EGFR: variants seen among roughly 807,000 people sequenced by gnomAD.
EGFR encodes the protein avian erythroblastic leukemia viral (v-erb-b) oncogene homolog.
EGFR carries 58 observed loss-of-function variants against 143.0 expected under a neutral mutation model. That is an observed-to-expected ratio of 0.41 (90% CI 0.33 to 0.50). The LOEUF (loss-of-function observed/expected upper bound fraction) is 0.50, where lower values mean the gene tolerates loss of function less well. Among genes scored for constraint, EGFR ranks in the 20% least tolerant of loss-of-function variants. The pLI, the probability that EGFR is intolerant of heterozygous loss-of-function variation, is 0.39. For synonymous variants in EGFR, 613 were observed against 594.4 expected (o/e 1.03, Z -0.45); for missense variants, 1,307 against 1,579.0 (o/e 0.83, Z 2.92).
intron 1 of EGFR, among the ~76,000 whole-genome samples, chr7:55,041,720 C>T (rs1421673740): frequency 6.6e-6 from 1 of 152,200 alleles, no homozygotes; most frequent in East Asian, 1.9e-4. Context: ...AATTGTAATA[C>T]CTAGAAAAAC....
chr7:55,024,522 A>G (rs1461925770), intron 1 of EGFR, among the ~76,000 whole-genome samples: 1 of 152,252 alleles, frequency 6.6e-6, no homozygotes, highest in Non-Finnish European at 1.5e-5. Context: ...AAGGCACCCA[A>G]TGAGAATGCC....
chr7:55,130,138 C>A (rs1046720843), intron 1 of EGFR, among the ~76,000 whole-genome samples: 1 of 152,126 alleles, frequency 6.6e-6, no homozygotes, highest in Admixed American at 6.5e-5. Flanking sequence ...ACATGGCAAG[C>A]GCTGCTTCAG....
At chr7:55,190,785 A>G (rs1787359852) in intron 20 of EGFR, among the ~76,000 whole-genome samples, 1 of 152,234 alleles carries the variant, frequency 6.6e-6, no homozygotes, top group African/African-American at 2.4e-5. Context: ...AGAAACAATA[A>G]TAAGAAGTCT....
At position 55,081,829 on chromosome 7, in the gene EGFR, C is replaced by T. The variant is rs187300215; in HGVS notation, c.89-60457C>T. 1.8e-4 allele frequency among the ~76,000 whole-genome samples: 22 copies of T among 120,602 alleles called. No homozygotes were observed. The East Asian group carries it at 5.0e-3, about 27-fold the overall frequency. 79.1% of individuals were successfully genotyped at this position (120,602 alleles called of 152,430 possible). A position where few individuals can be genotyped will look rare whatever the true frequency, so the allele number is the denominator to read the frequency against. On this transcript the variant is annotated intron_variant, in intron 1 of 27. Coordinates refer to ENST00000275493, the MANE Select transcript of EGFR (RefSeq NM_005228.5). ...GAGCTAATCATAGGCTCACAAAAAG[C>T]AGCACAGGAAAGTTTCCCAGATAAC...
chr7:55,166,959 T>A (rs1451076236), intron 15 of EGFR, among the ~76,000 whole-genome samples: 1 of 134,672 alleles, frequency 7.4e-6, no homozygotes, highest in African/African-American at 3.0e-5. Flanking sequence ...GAGGTGGGAG[T>A]CACAATGGTG....
At position 55,019,290 on chromosome 7, in the gene EGFR, G is replaced by C. The variant is rs774487133; in HGVS notation, c.13G>C (p.Gly5Arg). Residue 5 changes from glycine (G) to arginine (R), a missense_variant, in exon 1 of 28, where the codon GGG becomes CGG. Physicochemically the swap from Gly to Arg is moderately radical, Grantham distance 125. Transcript: ENST00000275493. The stretch of plus-strand genomic sequence containing the variant: ...TCGGGGAGCAGCGATGCGACCCTCC[G>C]GGACGGCCGGGGCAGCGCTCCTGGC... MRPS[G>R]TAGAALLALL... 2.0e-6 allele frequency: 3 copies of C among 1,506,414 alleles called. No homozygotes were observed. The highest frequency in any genetic ancestry group is 2.7e-6 in the Non-Finnish European group (3 of 1,122,576). The allele number at this position is 1,506,414 out of a possible 1,614,324, so 93.3% of individuals were successfully genotyped here.
At chr7:55,114,960 C>A (rs2128909903) in intron 1 of EGFR, among the ~76,000 whole-genome samples, 1 of 149,698 alleles carries the variant, frequency 6.7e-6, no homozygotes, top group East Asian at 2.0e-4. Flanking sequence ...CTGCTCACTG[C>A]AAGCTCCGCC....
intron 15 of EGFR, chr7:55,166,334 A>C (rs1276579906): frequency 5.3e-6 from 3 of 570,688 alleles, no homozygotes; most frequent in South Asian, 2.9e-5. Context: ...CAAAATCCTC[A>C]GCTTTGTTTG....
At chr7:55,022,504 G>A (rs1480032773) in intron 1 of EGFR, among the ~76,000 whole-genome samples, 11 of 152,198 alleles carry the variant, frequency 7.2e-5, no homozygotes, top group African/African-American at 1.7e-4. Flanking sequence ...GGTGAAGGTG[G>A]ACAAGTCACT....
intron 7 of EGFR, 65 bp from the exon 8 acceptor site, chr7:55,155,765 G>T (rs759407410): frequency 1.4e-5 from 18 of 1,291,352 alleles, no homozygotes; most frequent in Middle Eastern, 1.8e-4. Context: ...GACCTGGACC[G>T]CCTGTGTGAG....
chr7:55,051,995 C>T (rs991690011), intron 1 of EGFR, among the ~76,000 whole-genome samples: 5 of 152,206 alleles, frequency 3.3e-5, no homozygotes, highest in Admixed American at 6.5e-5. Context: ...AGTTCTTCTT[C>T]GCTTCCTTCA....
intron 1 of EGFR, among the ~76,000 whole-genome samples, chr7:55,031,128 A>G (rs1787218685): frequency 6.6e-6 from 1 of 152,214 alleles, no homozygotes; most frequent in South Asian, 2.1e-4. Context: ...AAAGTCCTGC[A>G]CTCCAGCTGA....
At chr7:55,126,339 A>G (rs1793522827) in intron 1 of EGFR, among the ~76,000 whole-genome samples, 1 of 152,246 alleles carries the variant, frequency 6.6e-6, no homozygotes, top group African/African-American at 2.4e-5. Flanking sequence ...GACGATGACA[A>G]CAGCAACCAC....
chr7:55,191,658 C>T (rs889090431), intron 20 of EGFR, 61 bp from the exon 21 acceptor site: 50 of 1,607,508 alleles, frequency 3.1e-5, no homozygotes, highest in Non-Finnish European at 4.0e-5. Flanking sequence ...ACCCTGAATT[C>T]GGATGCAGAG....
intron 1 of EGFR, among the ~76,000 whole-genome samples, chr7:55,059,053 G>A (rs920824638): frequency 6.6e-6 from 1 of 152,218 alleles, no homozygotes; most frequent in African/African-American, 2.4e-5. Flanking sequence ...ACTTGTGGGT[G>A]AATGTGGGCC....
At chr7:55,203,121 A>G (rs1371531121) in intron 27 of EGFR, 2 of 253,346 alleles carry the variant, frequency 7.9e-6, no homozygotes, top group Non-Finnish European at 1.5e-5. Context: ...ACACATACAC[A>G]TACACACATA....
intron 1 of EGFR, among the ~76,000 whole-genome samples, chr7:55,119,646 G>T (rs1022873309): frequency 6.6e-6 from 1 of 152,214 alleles, no homozygotes; most frequent in Non-Finnish European, 1.5e-5. Flanking sequence ...ACATCTGTGG[G>T]ATTCCCCTCG....
intron 20 of EGFR, among the ~76,000 whole-genome samples, chr7:55,188,535 T>C (rs1787244568): frequency 6.6e-6 from 1 of 152,198 alleles, no homozygotes. Context: ...CCTGTAGTAA[T>C]TAACAAAAAT....
intron 1 of EGFR, among the ~76,000 whole-genome samples, chr7:55,140,866 A>G (rs561386830): frequency 6.6e-6 from 1 of 152,316 alleles, no homozygotes; most frequent in African/African-American, 2.4e-5. Context: ...GGATGTGAAG[A>G]TTGCTTCATG....
Sources: allele counts gnomAD v4.1 joint callset (sites outside exome capture counted in the v4.1 genomes callset), GRCh38; gene constraint gnomAD v4.1.1; transcripts MANE v1.5; gene names NCBI Gene and HGNC (gene_info 2026-07-23, HGNC 2026-07-21).